Variants in ITPK1 observed in about 807,000 individuals in gnomAD.
The protein encoded by ITPK1 is inositol-tetrakisphosphate 1-kinase.
ITPK1 carries 21 observed loss-of-function variants against 45.3 expected under a neutral mutation model. The observed-to-expected ratio is 0.46, with a 90% CI of 0.33 to 0.67. ITPK1 has a LOEUF of 0.67. Ranked by LOEUF, ITPK1 falls within the 30% of genes least tolerant of loss-of-function variation. The pLI is 0.02. For missense variants in ITPK1, 474 were observed against 573.5 expected (o/e 0.83, Z 1.77); for synonymous variants, 258 against 253.6 (o/e 1.02, Z -0.16).
At chr14:93,043,622 G>T (rs950638197) in intron 3 of ITPK1, among the ~76,000 whole-genome samples, 1 of 152,226 alleles carries the variant, frequency 6.6e-6, no homozygotes, top group Non-Finnish European at 1.5e-5. Flanking sequence ...CACTCAGGCC[G>T]TAGCCAGCCT....
chr14:93,017,392 C>T (rs1333113723), intron 3 of ITPK1, among the ~76,000 whole-genome samples: 1 of 152,208 alleles, frequency 6.6e-6, no homozygotes, highest in African/African-American at 2.4e-5. Context: ...GAAGCGAAGG[C>T]GCGTAGGGCT....
intron 3 of ITPK1, among the ~76,000 whole-genome samples, chr14:93,019,128 C>T (rs1043012770): frequency 6.6e-6 from 1 of 152,200 alleles, no homozygotes; most frequent in Non-Finnish European, 1.5e-5. Flanking sequence ...CCTGTGGCTT[C>T]GGTGGGTCAG....
chr14:92,984,721 C>A lies in ITPK1; in HGVS notation c.364+9159G>T, dbSNP rs938311960. 2.6e-4 allele frequency among the ~76,000 whole-genome samples: 39 copies of A among 152,302 alleles called. 1 individual carries two copies. Among genetic ancestry groups the A allele is most frequent in the Admixed American group, 2.2e-3 (34 of 15,302 alleles). ...GATTATGCTGACACTCCACAAGGTG[C>A]CACCTGGTGCCCTGTGGATGTCTGC... On this transcript the variant is annotated intron_variant, in intron 5 of 10. Transcript: ENST00000267615.
intron 3 of ITPK1, among the ~76,000 whole-genome samples, chr14:93,047,734 CCTG>C (rs1346612555): frequency 8.5e-5 from 13 of 152,326 alleles, no homozygotes; most frequent in Admixed American, 5.2e-4. Flanking sequence ...TTTGCAGTGA[CCTG>C]TTATGGCATT....
intron 5 of ITPK1, among the ~76,000 whole-genome samples, 185 bp from the exon 6 acceptor site, chr14:92,963,034 T>C (rs1261908642): frequency 1.3e-5 from 2 of 152,238 alleles, no homozygotes; most frequent in Admixed American, 6.5e-5. Context: ...TGCCGTTACA[T>C]TGTCTAATAA....
At position 92,940,372 on chromosome 14, in the gene ITPK1, G is replaced by C; in HGVS notation, c.*1189C>G. 4 of 1,014,104 alleles carry C rather than the reference G, an allele frequency of 3.9e-6. No individual in the cohort carries two copies. Among genetic ancestry groups the C allele is most frequent in the Non-Finnish European group, 4.7e-6 (4 of 846,506 alleles). 62.8% of individuals were successfully genotyped at this position (1,014,104 alleles called of 1,614,324 possible). Reference sequence around the variant, plus strand: ...TTTTCTCTGCAGAGGGGGCTGCCTGGATCAGGGGTCAGACGGCAGAGCCAG... The same window carrying C: ...TTTTCTCTGCAGAGGGGGCTGCCTGCATCAGGGGTCAGACGGCAGAGCCAG... On this transcript the variant is annotated 3_prime_UTR_variant, in exon 11 of 11. Coordinates refer to ENST00000267615, the MANE Select transcript of ITPK1 (RefSeq NM_014216.6).
At chr14:93,070,171 G>C (rs1182266020) in intron 3 of ITPK1, 3 of 152,304 alleles carry the variant, frequency 2.0e-5, no homozygotes, top group African/African-American at 7.2e-5. Flanking sequence ...GCAGCCCAGA[G>C]AACAGGCCAG....
At position 92,976,775 on chromosome 14, in the gene ITPK1, G is replaced by A. The variant is rs560094257; in HGVS notation, c.365-13926C>T. On this transcript the variant is annotated intron_variant, in intron 5 of 10. Coordinates refer to ENST00000267615, the MANE Select transcript of ITPK1 (RefSeq NM_014216.6). ...AGCAGAGGCCCTGAGTTGGTTGCACGTTCAAGATCAAAGCCAGCATGTGGC... is the reference window on the plus strand; with the variant it reads ...AGCAGAGGCCCTGAGTTGGTTGCACATTCAAGATCAAAGCCAGCATGTGGC... Among the ~76,000 whole-genome samples, 13 of 152,294 alleles carry A rather than the reference G, an allele frequency of 8.5e-5. No homozygotes were observed. The South Asian group carries it at 1.2e-3, about 15-fold the overall frequency.
At chr14:92,948,788 G>A (rs546277830) in intron 9 of ITPK1, among the ~76,000 whole-genome samples, 2 of 136,394 alleles carry the variant, frequency 1.5e-5, no homozygotes, top group East Asian at 4.3e-4. Context: ...AGGGACCCAC[G>A]CCCGGGCGCC....
intron 4 of ITPK1, among the ~76,000 whole-genome samples, chr14:92,997,022 C>T (rs2139815641): frequency 6.6e-6 from 1 of 152,316 alleles, no homozygotes; most frequent in East Asian, 1.9e-4. Flanking sequence ...TAAAGGTAAA[C>T]TTGAAGGCTG....
chr14:93,055,150 A>G (rs1261006572), intron 3 of ITPK1, among the ~76,000 whole-genome samples: 1 of 152,200 alleles, frequency 6.6e-6, no homozygotes, highest in Non-Finnish European at 1.5e-5. Flanking sequence ...TCACTGCTGT[A>G]TTCGATACAA....
intron 3 of ITPK1, among the ~76,000 whole-genome samples, chr14:93,019,770 A>G (rs1384876384): frequency 6.6e-6 from 1 of 152,058 alleles, no homozygotes; most frequent in African/African-American, 2.4e-5. Flanking sequence ...AGCTCCTGAG[A>G]CTGGGGAGGC....
rs1890628914 is a variant in ITPK1 at position 93,063,709 on chromosome 14, C to T, written c.120+12886G>A. Among the ~76,000 whole-genome samples, 1 of 152,188 alleles carries T rather than the reference C, an allele frequency of 6.6e-6. No individual in the cohort carries two copies. The highest frequency in any genetic ancestry group is 6.5e-5 in the Admixed American group (1 of 15,280). The stretch of plus-strand genomic sequence containing the variant: ...GCAGAAGAGGCACTGGCTATGCCAT[C>T]ACACCTCTAGAATCCAATCCCAGCT... On this transcript the variant is annotated intron_variant, in intron 3 of 10. Transcript: ENST00000267615. The surrounding 1 kb of genome is among the most constrained non-coding windows in gnomAD (Gnocchi z 4.3).
chr14:92,949,438 T>C (rs963483790), intron 9 of ITPK1, among the ~76,000 whole-genome samples: 1 of 152,190 alleles, frequency 6.6e-6, no homozygotes, highest in Non-Finnish European at 1.5e-5. Flanking sequence ...CTCTTGCCAG[T>C]GGGGGCCAGA....
chr14:92,940,836 C>T lies in ITPK1; in HGVS notation c.*725G>A. On this transcript the variant is annotated 3_prime_UTR_variant, in exon 11 of 11. Transcript: ENST00000267615. ...AGCCTCCTTCCCGGGCTCCAGGGAGCAGCAGTGCTGGCTTAGGGGAAGGAG... is the reference window on the plus strand; with the variant it reads ...AGCCTCCTTCCCGGGCTCCAGGGAGTAGCAGTGCTGGCTTAGGGGAAGGAG... 7.8e-7 allele frequency: 1 copy of T among 1,287,190 alleles called. No individual in the cohort carries two copies. Among genetic ancestry groups the T allele is most frequent in the Admixed American group, 2.3e-5 (1 of 43,390 alleles). The allele number at this position is 1,287,190 out of a possible 1,614,324, so 79.7% of individuals were successfully genotyped here. A position where few individuals can be genotyped will look rare whatever the true frequency, so the allele number is the denominator to read the frequency against.
Position 93,033,435 on chromosome 14 carries a change from C to T in ITPK1, c.121-16634G>A, listed in dbSNP as rs1306903975. 3.3e-5 allele frequency among the ~76,000 whole-genome samples: 5 copies of T among 152,198 alleles called. No individual in the cohort carries two copies. In the East Asian group the frequency reaches 9.6e-4, roughly 29 times the overall value. On this transcript the variant is annotated intron_variant, in intron 3 of 10. Transcript: ENST00000267615. ...CCCCACAACAGCCAATGCCCCCCAA[C>T]ATTCCCCACCACCTCCTCTGGGCCA...
At chr14:93,005,684 C>A (rs1887574994) in intron 4 of ITPK1, among the ~76,000 whole-genome samples, 1 of 152,168 alleles carries the variant, frequency 6.6e-6, no homozygotes, top group African/African-American at 2.4e-5. Context: ...CGGACAACAG[C>A]CAAAATGCAG....
At chr14:93,089,722 G>A (rs888709141) in intron 2 of ITPK1, among the ~76,000 whole-genome samples, 1 of 152,182 alleles carries the variant, frequency 6.6e-6, no homozygotes, top group African/African-American at 2.4e-5. Context: ...CCAAGAGTCA[G>A]TCTCAGAGCC....
At chr14:93,095,630 G>A (rs1892047301) in intron 2 of ITPK1, among the ~76,000 whole-genome samples, 1 of 144,062 alleles carries the variant, frequency 6.9e-6, no homozygotes, top group Non-Finnish European at 1.5e-5. Flanking sequence ...AGGGGTACAT[G>A]TGCAGGTTTG....
Sources: allele counts gnomAD v4.1 joint callset (sites outside exome capture counted in the v4.1 genomes callset), GRCh38; gene constraint gnomAD v4.1.1; non-coding constraint Gnocchi (gnomAD v3.1); transcripts MANE v1.5; gene names NCBI Gene and HGNC (gene_info 2026-07-23, HGNC 2026-07-21).